Variants in TRIM33 observed in about 807,000 individuals in gnomAD.
TRIM33 encodes the protein E3 ubiquitin-protein ligase TRIM33.
Under a neutral mutation model 125.4 loss-of-function variants are expected in TRIM33, and 20 were observed. The observed-to-expected ratio is 0.16, with a 90% CI of 0.11 to 0.23. The LOEUF is 0.23. Among genes scored for constraint, TRIM33 ranks in the 10% least tolerant of loss-of-function variants. The pLI, the probability that TRIM33 is intolerant of heterozygous loss-of-function variation, is 1.00. For synonymous variants in TRIM33, 564 were observed against 513.9 expected, an observed-to-expected ratio of 1.10 and a Z score of -1.32; for missense variants, 920 against 1,411.4, an observed-to-expected ratio of 0.65 and a Z score of 5.58.
intron 11 of TRIM33, among the ~76,000 whole-genome samples, chr1:114,420,196 G>A (rs1030578643): frequency 2.0e-5 from 3 of 152,158 alleles, no homozygotes; most frequent in East Asian, 1.9e-4. Context: ...ACTTTTCTTC[G>A]GTTGAAAGGG....
chr1:114,465,524 A>C (rs1650236719), intron 1 of TRIM33, among the ~76,000 whole-genome samples: 3 of 152,194 alleles, frequency 2.0e-5, no homozygotes, highest in Admixed American at 6.5e-5. Flanking sequence ...TATCACTCTA[A>C]AAGAAGGGTG....
At chr1:114,498,373 T>G (rs554848610) in intron 1 of TRIM33, among the ~76,000 whole-genome samples, 4 of 152,142 alleles carry the variant, frequency 2.6e-5, no homozygotes, top group East Asian at 3.9e-4. Context: ...GTAGGCCAGG[T>G]GCGGTGGCTC....
At chr1:114,398,146 T>C (rs1240596363) in intron 18 of TRIM33, among the ~76,000 whole-genome samples, 156 bp from the exon 19 acceptor site, 2 of 152,194 alleles carry the variant, frequency 1.3e-5, no homozygotes, top group African/African-American at 4.8e-5. Flanking sequence ...CTACAGAACA[T>C]GGAACCATTT....
chr1:114,495,103 T>C (rs527357817), intron 1 of TRIM33, among the ~76,000 whole-genome samples: 5 of 152,236 alleles, frequency 3.3e-5, no homozygotes, highest in South Asian at 4.1e-4. Context: ...TAGGTAGAGA[T>C]GGGATTTCAC....
rs975548897 is a variant in TRIM33, at chr1:114,395,525, G to C, written c.*2123C>G. 25 of 201,724 alleles carry C rather than the reference G, an allele frequency of 1.2e-4. No individual in the cohort carries two copies. Among genetic ancestry groups the C allele is most frequent in the African/African-American group, 5.5e-4 (24 of 43,636 alleles). The allele number at this position is 201,724 out of a possible 1,614,324, so 12.5% of individuals were successfully genotyped here. A position where few individuals can be genotyped will look rare whatever the true frequency, so the allele number is the denominator to read the frequency against. ...ACAAAATATTAGAACTCAAAGGCCT[G>C]ACAAAATGAAGTTATACTGCTGCTA... On this transcript the variant is annotated 3_prime_UTR_variant, in exon 20 of 20. Coordinates refer to ENST00000358465, the MANE Select transcript of TRIM33 (RefSeq NM_015906.4).
At chr1:114,417,030 A>T (rs929053772) in intron 11 of TRIM33, among the ~76,000 whole-genome samples, 12 of 152,228 alleles carry the variant, frequency 7.9e-5, no homozygotes, top group Non-Finnish European at 1.5e-4. Context: ...ATACAATGAA[A>T]TATTATTCAG....
chr1:114,502,089 G>T (rs1652753113), intron 1 of TRIM33, among the ~76,000 whole-genome samples: 2 of 152,136 alleles, frequency 1.3e-5, no homozygotes, highest in Admixed American at 6.6e-5. Context: ...AAAATCAGTA[G>T]ATCTATAGTG....
intron 4 of TRIM33, among the ~76,000 whole-genome samples, chr1:114,451,356 C>G (rs1050128801): frequency 6.7e-6 from 1 of 148,834 alleles, no homozygotes; most frequent in Non-Finnish European, 1.5e-5. Flanking sequence ...ACCAAATCTT[C>G]CATTCATTAC....
intron 1 of TRIM33, among the ~76,000 whole-genome samples, chr1:114,487,883 G>A (rs535058548): frequency 7.7e-4 from 86 of 112,172 alleles, no homozygotes; most frequent in Non-Finnish European, 5.7e-4. Context: ...CGGCCTGGGC[G>A]ACAGAGCGAG....
intron 4 of TRIM33, among the ~76,000 whole-genome samples, chr1:114,446,336 G>C (rs1353642915): frequency 6.6e-6 from 1 of 152,032 alleles, no homozygotes; most frequent in Non-Finnish European, 1.5e-5. Flanking sequence ...TGAAACACCA[G>C]CTTTTACTTT....
At chr1:114,507,329 T>C (rs1377313699) in intron 1 of TRIM33, among the ~76,000 whole-genome samples, 1 of 152,190 alleles carries the variant, frequency 6.6e-6, no homozygotes, top group East Asian at 1.9e-4. Context: ...ATGATGCTGA[T>C]GCTGTTGATC....
At chr1:114,453,506 T>G (rs149850602) in intron 4 of TRIM33, among the ~76,000 whole-genome samples, 55 of 152,294 alleles carry the variant, frequency 3.6e-4, no homozygotes, top group Admixed American at 3.9e-4. Context: ...AAGTGGAAGA[T>G]AAGAGATTGT....
chr1:114,478,872 C>T (rs746542407), intron 1 of TRIM33, among the ~76,000 whole-genome samples: 30 of 152,054 alleles, frequency 2.0e-4, no homozygotes, highest in Non-Finnish European at 4.1e-4. Context: ...ACATGTGAAA[C>T]TCTGCCTCTA....
chr1:114,442,687 CA>C (rs34847018), intron 4 of TRIM33, among the ~76,000 whole-genome samples: 25,943 of 73,118 alleles, frequency 0.35, 1,276 homozygotes, highest in African/African-American at 0.4. Context: ...GACTCTGTCT[CA>C]AAAAAAAAAA....
rs765435428 is a variant in TRIM33 at position 114,410,247 on chromosome 1, G to A, written c.2131C>T (p.Pro711Ser). The A allele has an allele frequency of 1.2e-5, 19 of 1,613,828 alleles. No individual in the cohort carries two copies. The South Asian group carries it at 1.9e-4, about 16-fold the overall frequency. The change falls in exon 12 of 20, where the codon CCA (proline) becomes TCA (serine). Residue 711 changes from proline to serine, a missense_variant. This residue lies in a region of TRIM33 where 407 missense variants were observed against 589.7 expected (regional missense o/e 0.69). Transcript: ENST00000358465. ...GGATTCATGGTGCTTGTAGGCTGTG[G>A]GGGTAGGTGACTGCCTGAGATGTAT... ...SRYISGSHLP[P>S]QPTSTMNPSP...
chr1:114,508,593 A>C (rs975263561), intron 1 of TRIM33, among the ~76,000 whole-genome samples: 5 of 152,082 alleles, frequency 3.3e-5, no homozygotes, highest in Non-Finnish European at 5.9e-5. Context: ...AAAACATTTT[A>C]TCCTCCCTAC....
At chr1:114,412,334 A>G (rs1652647491) in intron 11 of TRIM33, among the ~76,000 whole-genome samples, 1 of 152,220 alleles carries the variant, frequency 6.6e-6, no homozygotes, top group Non-Finnish European at 1.5e-5. Context: ...ATTGTGCCTC[A>G]ATGCAGCTTT....
intron 4 of TRIM33, among the ~76,000 whole-genome samples, chr1:114,446,893 T>A (rs1429686399): frequency 6.6e-6 from 1 of 152,014 alleles, no homozygotes; most frequent in African/African-American, 2.4e-5. Flanking sequence ...CCCATCTCTA[T>A]AAAAATTACA....
At chr1:114,411,858 C>CATTA (rs1652612387) in intron 11 of TRIM33, among the ~76,000 whole-genome samples, 1 of 152,106 alleles carries the variant, frequency 6.6e-6, no homozygotes, top group Non-Finnish European at 1.5e-5. Context: ...ACTGGAAAGA[C>CATTA]ATTAATTCAT....
Sources: gnomAD v4.1 joint callset for allele counts (sites outside exome capture counted in the v4.1 genomes callset) on GRCh38, gnomAD v4.1.1 for gene constraint, gnomAD v4.1.1 regional missense constraint, MANE v1.5 for transcripts, NCBI Gene and HGNC (gene_info 2026-07-23, HGNC 2026-07-21) for gene names.